Variants in USH2A observed in about 807,000 individuals in gnomAD.
The protein encoded by USH2A is Usher syndrome 2A (autosomal recessive, mild).
In USH2A, 443 loss-of-function variants were observed where a neutral mutation model predicts 538.9. That is an observed-to-expected ratio of 0.82 (90% CI 0.76 to 0.89). USH2A has a LOEUF of 0.89. Ranked by LOEUF, USH2A falls within the 40% of genes least tolerant of loss-of-function variation. USH2A has a pLI of 0.00. For synonymous variants in USH2A, 2,413 were observed against 2,273.5 expected, an observed-to-expected ratio of 1.06 and a Z score of -1.75; for missense variants, 6,633 against 6,324.8, an observed-to-expected ratio of 1.05 and a Z score of -1.65.
intron 32 of USH2A, among the ~76,000 whole-genome samples, chr1:216,035,011 T>A (rs1036345756): frequency 6.6e-6 from 1 of 152,182 alleles, no homozygotes; most frequent in Non-Finnish European, 1.5e-5. Flanking sequence ...CCAGATGGAA[T>A]TGATTATCAC....
intron 30 of USH2A, 94 bp downstream of exon 30, chr1:216,070,006 AC>A: frequency 7.1e-7 from 1 of 1,402,992 alleles, no homozygotes; most frequent in Non-Finnish European, 9.9e-7. Flanking sequence ...TATATTTAAT[AC>A]ATTTTTCTAA....
At chr1:215,940,197 A>T (rs139623003) in intron 37 of USH2A, among the ~76,000 whole-genome samples, 1 of 152,102 alleles carries the variant, frequency 6.6e-6, no homozygotes, top group Non-Finnish European at 1.5e-5. Context: ...GTATTAACTA[A>T]TTTTTCCCAC....
At chr1:215,683,971 T>C (rs893222262) in intron 61 of USH2A, among the ~76,000 whole-genome samples, 5 of 67,322 alleles carry the variant, frequency 7.4e-5, no homozygotes, top group African/African-American at 2.1e-4. Flanking sequence ...TACAAGCATG[T>C]CAGCTACTTT....
intron 13 of USH2A, among the ~76,000 whole-genome samples, chr1:216,234,468 A>G (rs1393002185): frequency 6.6e-6 from 1 of 152,158 alleles, no homozygotes; most frequent in African/African-American, 2.4e-5. Context: ...GGCCATGACA[A>G]TTAGTATATA....
intron 54 of USH2A, among the ~76,000 whole-genome samples, chr1:215,781,232 A>G (rs183318995): frequency 1.3e-5 from 2 of 152,166 alleles, no homozygotes; most frequent in Admixed American, 6.5e-5. Context: ...TCACCTCTCA[A>G]TCTGGTTTCT....
intron 16 of USH2A, among the ~76,000 whole-genome samples, chr1:216,202,984 AAGG>A: frequency 6.6e-6 from 1 of 152,114 alleles, no homozygotes; most frequent in East Asian, 1.9e-4. Context: ...CCCACTCAGT[AAGG>A]AGAACTATTC....
chr1:216,213,431 G>A (rs2035283280), intron 15 of USH2A, among the ~76,000 whole-genome samples: 1 of 151,940 alleles, frequency 6.6e-6, no homozygotes. Context: ...TTAGCTATGG[G>A]GTCAACTGCA....
intron 4 of USH2A, among the ~76,000 whole-genome samples, chr1:216,331,432 A>T (rs1027090152): frequency 6.6e-6 from 1 of 152,124 alleles, no homozygotes; most frequent in East Asian, 1.9e-4. Flanking sequence ...AGAAGTTGTT[A>T]TGCATTACAA....
Position 215,650,703 on chromosome 1 carries a change from A to G in USH2A, c.14232T>C (p.His4744=). 1 of 1,614,020 alleles carries G rather than the reference A, an allele frequency of 6.2e-7. No homozygotes were observed. The highest frequency in any genetic ancestry group is 8.5e-7 in the Non-Finnish European group (1 of 1,180,010). The change falls in exon 65 of 72, where the codon CAT becomes CAC. Residue 4744 remains histidine, a synonymous_variant. Transcript: ENST00000307340. ...PPEGLRAPTF[H]VISSTQAVVN... is the part of the protein sequence containing the mutation. ...CCACTGCTTGGGTAGAAGAGATCACATGGAACGTGGGGGCTCTGAGACCTT... is the reference window on the plus strand; with the variant it reads ...CCACTGCTTGGGTAGAAGAGATCACGTGGAACGTGGGGGCTCTGAGACCTT...
chr1:215,667,052 T>C (rs1389706248), intron 64 of USH2A, among the ~76,000 whole-genome samples: 1 of 151,972 alleles, frequency 6.6e-6, no homozygotes, highest in Non-Finnish European at 1.5e-5. Context: ...GATTGCGCCA[T>C]TGCACTCCAG....
At chr1:216,067,496 G>GA (rs368313875) in intron 30 of USH2A, among the ~76,000 whole-genome samples, 11,978 of 123,988 alleles carry the variant, frequency 0.097, 519 homozygotes, top group Middle Eastern at 0.14. Flanking sequence ...GCCAGGGAGA[G>GA]AAAAAAAAAA....
intron 50 of USH2A, 34 bp from the exon 51 acceptor site, chr1:215,790,316 A>C (rs1183507179): frequency 6.2e-7 from 1 of 1,609,410 alleles, no homozygotes; most frequent in South Asian, 1.1e-5. Context: ...TGAATATGAA[A>C]TAGAAAAAGG....
chr1:215,832,858 G>C (rs969263205), intron 47 of USH2A, among the ~76,000 whole-genome samples: 4 of 151,842 alleles, frequency 2.6e-5, no homozygotes, highest in African/African-American at 9.7e-5. Flanking sequence ...GACTTACAAG[G>C]AGTTTAGCAA....
At chr1:216,157,152 T>C (rs1264630928) in intron 21 of USH2A, among the ~76,000 whole-genome samples, 1 of 152,106 alleles carries the variant, frequency 6.6e-6, no homozygotes, top group East Asian at 1.9e-4. Flanking sequence ...ATTACAGGTG[T>C]GAGCCACCGC....
In USH2A at chr1:216,196,534, T is replaced by G. The variant is rs2034847818; in HGVS notation, c.4251+19A>C. The G allele has an allele frequency of 1.9e-6, 3 of 1,612,960 alleles. No homozygotes were observed. In the East Asian group the frequency reaches 6.7e-5, roughly 36 times the overall value. The stretch of plus-strand genomic sequence containing the variant: ...CCCTAAGCCAATTCTGAAAGGACAT[T>G]AGTTAAAAATAACAATACCTGTGAA... On this transcript the variant is annotated intron_variant, in intron 19 of 71. Coordinates refer to ENST00000307340, the MANE Select transcript of USH2A (RefSeq NM_206933.4).
chr1:215,879,986 AGCCTG>A (rs1351250229), intron 41 of USH2A, among the ~76,000 whole-genome samples: 1 of 152,190 alleles, frequency 6.6e-6, no homozygotes, highest in Non-Finnish European at 1.5e-5. Context: ...CTCATGTCCC[AGCCTG>A]TAAGCTTCTT....
chr1:215,922,878 T>G (rs1666137070), intron 38 of USH2A, among the ~76,000 whole-genome samples: 1 of 151,936 alleles, frequency 6.6e-6, no homozygotes, highest in South Asian at 2.1e-4. Context: ...AGCACAAGAG[T>G]TATTACTAGA....
chr1:215,630,482 G>A (rs2995517), intron 70 of USH2A, among the ~76,000 whole-genome samples: 2,366 of 21,794 alleles, frequency 0.11, 75 homozygotes, highest in Non-Finnish European at 0.23. Context: ...ATGTGTGTGT[G>A]TATATATATA....
intron 58 of USH2A, among the ~76,000 whole-genome samples, chr1:215,753,117 T>C (rs1213779241): frequency 6.6e-6 from 1 of 152,022 alleles, no homozygotes; most frequent in Non-Finnish European, 1.5e-5. Context: ...TGAGATACCA[T>C]CTCACACCAG....
Sources: allele counts gnomAD v4.1 joint callset (sites outside exome capture counted in the v4.1 genomes callset), GRCh38; gene constraint gnomAD v4.1.1; transcripts MANE v1.5; gene names NCBI Gene and HGNC (gene_info 2026-07-23, HGNC 2026-07-21).